Variants in ATP2C2 observed in about 807,000 individuals in gnomAD.
The protein encoded by ATP2C2 is calcium-transporting ATPase type 2C member 2.
Under a neutral mutation model 110.8 loss-of-function variants are expected in ATP2C2, and 171 were observed. The ratio of observed to expected loss-of-function variants is 1.54; its 90% CI spans 1.36 to 1.75. ATP2C2 has a LOEUF of 1.75. ATP2C2 is among the 40% of genes most tolerant of loss of function. ATP2C2 has a pLI of 0.00. For missense variants in ATP2C2, 1,963 were observed against 1,235.0 expected, an observed-to-expected ratio of 1.59 and a Z score of -8.84; for synonymous variants, 804 against 508.4, an observed-to-expected ratio of 1.58 and a Z score of -7.82.
intron 11 of ATP2C2, among the ~76,000 whole-genome samples, chr16:84,437,456 C>A (rs561593537): frequency 6.6e-6 from 1 of 152,064 alleles, no homozygotes; most frequent in Non-Finnish European, 1.5e-5. Context: ...AATGATCTGC[C>A]AGTGTGATCC....
intron 17 of ATP2C2, 104 bp downstream of exon 17, chr16:84,448,793 G>A (rs891212107): frequency 4.9e-5 from 72 of 1,460,710 alleles, no homozygotes; most frequent in Non-Finnish European, 6.2e-5. Context: ...CCCGTCCCAA[G>A]GAGTCAGGCA....
At chr16:84,451,810 C>G in intron 17 of ATP2C2, 111 bp from the exon 18 acceptor site, 2 of 1,146,440 alleles carry the variant, frequency 1.7e-6, no homozygotes, top group Non-Finnish European at 2.5e-6. Context: ...TGCACTCCAA[C>G]CTGGGCGATA....
At position 84,416,171 on chromosome 16, in the gene ATP2C2, C is replaced by T. The variant is rs577644575; in HGVS notation, c.624+580C>T. On this transcript the variant is annotated intron_variant, in intron 7 of 26. Coordinates refer to ENST00000262429, the MANE Select transcript of ATP2C2 (RefSeq NM_014861.4). ...CCTGGGCAACAGAGCGAGAAGCACA[C>T]GCTTTTAGAGTAGTGAGGTTTGGGG... Among the ~76,000 whole-genome samples, 14 of 152,264 alleles carry T rather than the reference C, an allele frequency of 9.2e-5. 1 individual carries two copies. The highest frequency in any genetic ancestry group is 8.3e-4 in the South Asian group (4 of 4,822).
chr16:84,369,768 AGT>A (rs1388209995), intron 1 of ATP2C2, among the ~76,000 whole-genome samples: 4 of 152,160 alleles, frequency 2.6e-5, no homozygotes, highest in Admixed American at 6.5e-5. Flanking sequence ...TTTTAAAAAT[AGT>A]GTTTTGTGCT....
chr16:84,421,211 T>C (rs1051940570), intron 7 of ATP2C2, among the ~76,000 whole-genome samples: 2 of 152,194 alleles, frequency 1.3e-5, no homozygotes, highest in African/African-American at 4.8e-5. Flanking sequence ...TTATGCTTCA[T>C]TGTCCAGAGC....
At chr16:84,375,728 A>G (rs1020490481) in intron 1 of ATP2C2, among the ~76,000 whole-genome samples, 15 of 152,236 alleles carry the variant, frequency 9.9e-5, no homozygotes, top group Non-Finnish European at 2.1e-4. Flanking sequence ...TACAATGTGC[A>G]GAGAATACAA....
In ATP2C2 at chr16:84,398,484, C is replaced by G. The variant is rs374792647; in HGVS notation, c.100-15C>G. 7.0e-6 allele frequency: 11 copies of G among 1,565,952 alleles called. No homozygotes were observed. In the African/African-American group the frequency reaches 1.1e-4, roughly 16 times the overall value. ...AAGTTCAATCCGCTAAACAGCAACCCTGCTCTTTTCACAGATTGATGAACA... is the reference window on the plus strand; with the variant it reads ...AAGTTCAATCCGCTAAACAGCAACCGTGCTCTTTTCACAGATTGATGAACA... On this transcript the variant is annotated splice_polypyrimidine_tract_variant and intron_variant, in intron 1 of 26. Coordinates refer to ENST00000262429, the MANE Select transcript of ATP2C2 (RefSeq NM_014861.4).
At chr16:84,459,728 C>A in intron 23 of ATP2C2, 1 of 714,546 alleles carries the variant, frequency 1.4e-6, no homozygotes, top group Non-Finnish European at 2.3e-6. Context: ...CACTCAATCC[C>A]CTCACCCTGC....
rs897261602 is a variant in ATP2C2 at position 84,450,809 on chromosome 16, C to T, written c.1661-1112C>T. 2.0e-5 allele frequency among the ~76,000 whole-genome samples: 3 copies of T among 152,012 alleles called. No individual in the cohort carries two copies. In the East Asian group the frequency reaches 5.8e-4, roughly 29 times the overall value. ...AAGAGTCCCCTCAGCTGGGTTGCTC[C>T]CCTGTCAATTTTTCTTAACCTCTGT... On this transcript the variant is annotated intron_variant, in intron 17 of 26. Coordinates refer to ENST00000262429, the MANE Select transcript of ATP2C2 (RefSeq NM_014861.4).
intron 1 of ATP2C2, among the ~76,000 whole-genome samples, chr16:84,394,576 T>C (rs1306079594): frequency 1.3e-5 from 2 of 152,106 alleles, no homozygotes; most frequent in African/African-American, 4.8e-5. Flanking sequence ...TTTAAATGTA[T>C]TGTCTCACAG....
chr16:84,422,806 C>A (rs67306513), intron 9 of ATP2C2, 109 bp downstream of exon 9: 87,629 of 1,155,000 alleles, frequency 0.076, 3,497 homozygotes, highest in East Asian at 0.1. Flanking sequence ...GCATGTGGTT[C>A]ATATGAGTAT....
intron 3 of ATP2C2, chr16:84,407,570 C>T (rs1372364543): frequency 6.6e-6 from 1 of 152,154 alleles, no homozygotes; most frequent in Non-Finnish European, 1.5e-5. Context: ...TCCCAGGCCC[C>T]AGTGATCCTC....
chr16:84,372,720 G>C (rs906640509), intron 1 of ATP2C2, among the ~76,000 whole-genome samples: 3 of 151,992 alleles, frequency 2.0e-5, no homozygotes, highest in Admixed American at 6.6e-5. Context: ...CACCGCACCT[G>C]GCCAGTGTTG....
At position 84,412,674 on chromosome 16, in the gene ATP2C2, C is replaced by T. The variant is rs184834826; in HGVS notation, c.515+1909C>T. 2.0e-5 allele frequency among the ~76,000 whole-genome samples: 3 copies of T among 152,156 alleles called. No homozygotes were observed. The East Asian group carries it at 5.8e-4, about 29-fold the overall frequency. On this transcript the variant is annotated intron_variant, in intron 6 of 26. Transcript: ENST00000262429. ...AGCAGTGGTCCATAAGCTCGTTCTC[C>T]TAGTAGAAAATGAAATGATTTCAAA...
rs56355217 is a variant in ATP2C2, at chr16:84,421,737, C to T, written c.625-653C>T. Among the ~76,000 whole-genome samples the T allele has an allele frequency of 7.5e-3, 1,149 of 152,294 alleles. 21 individuals are homozygous for T. The highest frequency in any genetic ancestry group is 0.026 in the African/African-American group (1,087 of 41,544). On this transcript the variant is annotated intron_variant, in intron 7 of 26. Transcript: ENST00000262429. Reference sequence around the variant, plus strand: ...TCTCTGTTTTGCCACTAACTAGCTACGGAAACTTGAACAAATTACTTAATT... The same window carrying T: ...TCTCTGTTTTGCCACTAACTAGCTATGGAAACTTGAACAAATTACTTAATT...
chr16:84,420,147 A>G (rs8053211), intron 7 of ATP2C2, among the ~76,000 whole-genome samples: 71,971 of 151,742 alleles, frequency 0.47, 17,525 homozygotes, highest in African/African-American at 0.56. Context: ...TTCCCCAGCC[A>G]CCTCTTCTCA....
intron 10 of ATP2C2, among the ~76,000 whole-genome samples, chr16:84,423,775 C>G (rs1907562084): frequency 6.6e-6 from 1 of 152,228 alleles, no homozygotes; most frequent in South Asian, 2.1e-4. Context: ...GCCTACATAA[C>G]TGCAAAGGAG....
chr16:84,431,853 G>A (rs72806616), intron 11 of ATP2C2, among the ~76,000 whole-genome samples: 20,424 of 152,044 alleles, frequency 0.13, 1,518 homozygotes, highest in Non-Finnish European at 0.16. Context: ...TTTAGAGGCC[G>A]AAGGAAGTGG....
At chr16:84,396,932 G>A (rs971880312) in intron 1 of ATP2C2, among the ~76,000 whole-genome samples, 70 of 151,854 alleles carry the variant, frequency 4.6e-4, no homozygotes, top group African/African-American at 1.5e-3. Context: ...AAGCAAATAG[G>A]CATTTGGGAG....
Sources: allele counts gnomAD v4.1 joint callset (sites outside exome capture counted in the v4.1 genomes callset), GRCh38; gene constraint gnomAD v4.1.1; transcripts MANE v1.5; gene names NCBI Gene and HGNC (gene_info 2026-07-23, HGNC 2026-07-21).